The following AKAP6 variants were observed in gnomAD, a reference collection of about 807,000 sequenced individuals.
The protein encoded by AKAP6 is A-kinase anchor protein 6.
In AKAP6, 58 loss-of-function variants were observed where a neutral mutation model predicts 188.5. The ratio of observed to expected loss-of-function variants is 0.31; its 90% confidence interval spans 0.25 to 0.38. The LOEUF is 0.38. Ranked by LOEUF, AKAP6 falls within the 10% of genes least tolerant of loss-of-function variation. AKAP6 has a pLI of 1.00. For synonymous variants in AKAP6, 989 were observed against 998.6 expected, an observed-to-expected ratio of 0.99 and a Z score of 0.18; for missense variants, 2,710 against 2,740.0, an observed-to-expected ratio of 0.99 and a Z score of 0.24.
At chr14:32,563,989 G>A (rs1037032230) in intron 4 of AKAP6, among the ~76,000 whole-genome samples, 1 of 152,044 alleles carries the variant, frequency 6.6e-6, no homozygotes, top group Non-Finnish European at 1.5e-5. Flanking sequence ...TGGGGGATTC[G>A]TTCCAAGACC....
chr14:32,529,963 C>CTTTT (rs11305618), intron 2 of AKAP6, among the ~76,000 whole-genome samples: 1 of 62,008 alleles, frequency 1.6e-5, no homozygotes, highest in East Asian at 5.5e-4. Context: ...GGTAAAGAAA[C>CTTTT]TTTTTTTTTT....
chr14:32,350,666 G>A (rs1315007344), intron 1 of AKAP6, among the ~76,000 whole-genome samples: 1 of 152,130 alleles, frequency 6.6e-6, no homozygotes, highest in Non-Finnish European at 1.5e-5. Context: ...TAACAATGGA[G>A]GAAACAGGGT....
In AKAP6 at chr14:32,685,337, A is replaced by G. The variant is rs80150882; in HGVS notation, c.2879+6878A>G. ...TGTTATGGGAATACTGAGAAGGGCT[A>G]CCTAATCCAGCCTAGCTGAAAGGGG... On this transcript the variant is annotated intron_variant, in intron 8 of 13. Transcript: ENST00000280979. Among the ~76,000 whole-genome samples the G allele has an allele frequency of 2.1e-3, 323 of 152,248 alleles. 9 individuals are homozygous for G. In the East Asian group the frequency reaches 0.053, roughly 25 times the overall value.
chr14:32,776,500 A>G (rs1337858942), intron 12 of AKAP6, among the ~76,000 whole-genome samples: 1 of 152,188 alleles, frequency 6.6e-6, no homozygotes, highest in African/African-American at 2.4e-5. Context: ...TAAATTATTC[A>G]GTCTTGGGTA....
chr14:32,698,401 C>G (rs555104680), intron 9 of AKAP6, among the ~76,000 whole-genome samples: 4 of 152,038 alleles, frequency 2.6e-5, no homozygotes, highest in Non-Finnish European at 4.4e-5. Context: ...CAATTGGTGC[C>G]CAGGCCTTGC....
At chr14:32,529,854 T>C (rs142605334) in intron 2 of AKAP6, among the ~76,000 whole-genome samples, 2 of 152,320 alleles carry the variant, frequency 1.3e-5, no homozygotes, top group East Asian at 3.9e-4. Context: ...AACTGTGATA[T>C]TTCTTTAATC....
intron 1 of AKAP6, among the ~76,000 whole-genome samples, chr14:32,384,482 T>C (rs1306597538): frequency 6.6e-6 from 1 of 152,188 alleles, no homozygotes; most frequent in Admixed American, 6.6e-5. Context: ...TGATAATGGC[T>C]ACCTACAAGA....
Position 32,744,916 on chromosome 14 carries a change from T to C in AKAP6, c.3372+9034T>C, listed in dbSNP as rs530116256. Among the ~76,000 whole-genome samples, 24 of 152,266 alleles carry C rather than the reference T, an allele frequency of 1.6e-4. 1 individual carries two copies. In the South Asian group the frequency reaches 5.0e-3, roughly 32 times the overall value. The stretch of plus-strand genomic sequence containing the variant: ...TAAAAGCCTGATGCATTCTTCAGTA[T>C]GCCAACTGCATTTTTTCAGATCCAG... On this transcript the variant is annotated intron_variant, in intron 11 of 13. Coordinates refer to ENST00000280979, the MANE Select transcript of AKAP6 (RefSeq NM_004274.5).
chr14:32,827,165 A>G (rs533578867), intron 13 of AKAP6, among the ~76,000 whole-genome samples: 2 of 152,332 alleles, frequency 1.3e-5, no homozygotes, highest in African/African-American at 4.8e-5. Flanking sequence ...TCAAGAATAC[A>G]TAGTAAAAAT....
intron 4 of AKAP6, among the ~76,000 whole-genome samples, chr14:32,557,404 C>T (rs2139194804): frequency 6.6e-6 from 1 of 152,232 alleles, no homozygotes; most frequent in South Asian, 2.1e-4. Context: ...CCATTATAGC[C>T]TACTCTTTTA....
intron 12 of AKAP6, among the ~76,000 whole-genome samples, chr14:32,817,451 CTGTG>C (rs5807685): frequency 7.5e-4 from 109 of 144,680 alleles, no homozygotes; most frequent in African/African-American, 2.4e-3. Flanking sequence ...ATCTGTATAG[CTGTG>C]TGTGTGTGTG....
chr14:32,495,278 C>T (rs769632036), intron 2 of AKAP6: 2 of 152,214 alleles, frequency 1.3e-5, no homozygotes, highest in Admixed American at 1.3e-4. Flanking sequence ...TTTCTCTGCT[C>T]TGCTTTCAAC....
chr14:32,742,813 C>A (rs749357586), intron 11 of AKAP6, among the ~76,000 whole-genome samples: 6 of 151,928 alleles, frequency 3.9e-5, no homozygotes, highest in Non-Finnish European at 7.4e-5. Context: ...GAGAATGATC[C>A]ATGTGTTGAG....
At chr14:32,440,475 A>T (rs936583908) in intron 2 of AKAP6, among the ~76,000 whole-genome samples, 3 of 151,984 alleles carry the variant, frequency 2.0e-5, no homozygotes, top group Non-Finnish European at 4.4e-5. Flanking sequence ...AACTTAAAGT[A>T]TTAAAAAAAA....
chr14:32,469,110 G>A (rs1878624470), intron 2 of AKAP6, among the ~76,000 whole-genome samples: 1 of 152,114 alleles, frequency 6.6e-6, no homozygotes, highest in African/African-American at 2.4e-5. Context: ...GAGAACTGTT[G>A]CAACTCTGGG....
rs1417244821 is a variant in AKAP6, at chr14:32,732,275, G to GTA, written c.3001-174_3001-173dup. ...GTAATAACTGTGTGTGTGTGTGTGT[G>GTA]TATATAATATATTCAGCAATATTCT... On this transcript the variant is annotated intron_variant, in intron 9 of 13. Transcript: ENST00000280979. 4.1e-3 allele frequency among the ~76,000 whole-genome samples: 617 copies of GTA among 149,390 alleles called. 1 individual carries two copies. Among genetic ancestry groups the GTA allele is most frequent in the African/African-American group, 0.014 (585 of 40,854 alleles).
At chr14:32,336,816 T>C (rs1195407213) in intron 1 of AKAP6, among the ~76,000 whole-genome samples, 2 of 152,164 alleles carry the variant, frequency 1.3e-5, no homozygotes, top group Admixed American at 1.3e-4. Flanking sequence ...TCGTCTCTTA[T>C]CAGTGTTACC....
chr14:32,672,574 C>A (rs1050588587), intron 7 of AKAP6, among the ~76,000 whole-genome samples: 2 of 152,160 alleles, frequency 1.3e-5, no homozygotes, highest in Non-Finnish European at 2.9e-5. Flanking sequence ...TGGATTGGGA[C>A]CCCCACCCTT....
chr14:32,550,165 A>G (rs1000403962), intron 4 of AKAP6, among the ~76,000 whole-genome samples: 2 of 152,208 alleles, frequency 1.3e-5, no homozygotes, highest in African/African-American at 4.8e-5. Context: ...TATGATACCA[A>G]CTTCCAATTT....
Sources: gnomAD v4.1 joint callset for allele counts (sites outside exome capture counted in the v4.1 genomes callset) on GRCh38, gnomAD v4.1.1 for gene constraint, MANE v1.5 for transcripts, NCBI Gene and HGNC (gene_info 2026-07-23, HGNC 2026-07-21) for gene names.